The following SRPK2 variants were observed in gnomAD, a reference collection of about 807,000 sequenced individuals.
The protein encoded by SRPK2 is SFRS protein kinase 2.
In SRPK2, 21 loss-of-function variants were observed where a neutral mutation model predicts 90.8. The ratio of observed to expected loss-of-function variants is 0.23; its 90% CI spans 0.16 to 0.33. SRPK2 has a LOEUF of 0.33. Among genes scored for constraint, SRPK2 ranks in the 10% least tolerant of loss-of-function variants. The pLI is 1.00. For missense variants in SRPK2, 620 were observed against 869.0 expected (o/e 0.71, Z 3.60); for synonymous variants, 288 against 311.1 (o/e 0.93, Z 0.78).
chr7:105,274,222 A>C (rs976138795), intron 2 of SRPK2, among the ~76,000 whole-genome samples: 2 of 152,104 alleles, frequency 1.3e-5, no homozygotes, highest in African/African-American at 4.8e-5. Flanking sequence ...AAGGACCCTC[A>C]AGCCTCCAAA....
intron 2 of SRPK2, among the ~76,000 whole-genome samples, chr7:105,263,316 C>T (rs1804581413): frequency 6.6e-6 from 1 of 151,532 alleles, no homozygotes. Flanking sequence ...GAGCAAAACT[C>T]CATTTCAAAA....
upstream of SRPK2, among the ~76,000 whole-genome samples, chr7:105,391,747 C>T (rs147262665): frequency 5.0e-3 from 762 of 152,210 alleles, 5 homozygotes; most frequent in African/African-American, 0.015. Context: ...AACATTGAAA[C>T]CCTCCTACAT....
intron 2 of SRPK2, among the ~76,000 whole-genome samples, chr7:105,336,565 T>C (rs887801329): frequency 2.0e-5 from 3 of 152,208 alleles, no homozygotes; most frequent in African/African-American, 7.2e-5. Context: ...AAAGTTCTCA[T>C]TACATTTGTT....
At chr7:105,177,000 C>A (rs1182383884) in intron 3 of SRPK2, among the ~76,000 whole-genome samples, 1 of 152,084 alleles carries the variant, frequency 6.6e-6, no homozygotes, top group African/African-American at 2.4e-5. Context: ...TTCTAATGGA[C>A]TGTCATTTTC....
intron 1 of SRPK2, among the ~76,000 whole-genome samples, chr7:105,398,919 G>T (rs904399786): frequency 6.6e-6 from 1 of 152,188 alleles, no homozygotes; most frequent in African/African-American, 2.4e-5. Context: ...CAAATTTGTT[G>T]TGAGGATTTA....
intron 4 of SRPK2, among the ~76,000 whole-genome samples, chr7:105,168,356 T>G (rs1790356374): frequency 6.6e-6 from 1 of 152,186 alleles, no homozygotes; most frequent in Non-Finnish European, 1.5e-5. Context: ...GTGTATATGG[T>G]GTATATGAAA....
At chr7:105,274,659 A>C (rs1806257546) in intron 2 of SRPK2, among the ~76,000 whole-genome samples, 1 of 150,138 alleles carries the variant, frequency 6.7e-6, no homozygotes, top group Admixed American at 6.6e-5. Flanking sequence ...AAAAAAACTG[A>C]AACTCACCAA....
chr7:105,179,619 G>A (rs1165010183), intron 3 of SRPK2, among the ~76,000 whole-genome samples: 3 of 152,042 alleles, frequency 2.0e-5, no homozygotes, highest in Admixed American at 6.5e-5. Flanking sequence ...GAGGTCAGGA[G>A]TTTGAGACCA....
intron 2 of SRPK2, among the ~76,000 whole-genome samples, chr7:105,331,396 T>C (rs1309644371): frequency 6.8e-6 from 1 of 146,388 alleles, no homozygotes; most frequent in Non-Finnish European, 1.5e-5. Context: ...AACAAAAAAG[T>C]TCAGATATAT....
chr7:105,211,712 C>T (rs1271558380), intron 2 of SRPK2, among the ~76,000 whole-genome samples: 1 of 152,192 alleles, frequency 6.6e-6, no homozygotes, highest in Non-Finnish European at 1.5e-5. Flanking sequence ...GATTACAATT[C>T]AACATTAGAT....
chr7:105,216,424 C>A (rs1797474351), intron 2 of SRPK2, among the ~76,000 whole-genome samples: 1 of 151,830 alleles, frequency 6.6e-6, no homozygotes, highest in East Asian at 1.9e-4. Context: ...TTCTTATCAC[C>A]CCCCAAAAAC....
chr7:105,124,338 TAACAAAGAC>T (rs1334289051), intron 15 of SRPK2, among the ~76,000 whole-genome samples: 1 of 152,098 alleles, frequency 6.6e-6, no homozygotes, highest in Admixed American at 6.6e-5. Flanking sequence ...GACAGACGAT[TAACAAAGAC>T]AAATAAATGC....
At chr7:105,161,751 T>C (rs1807697460) in intron 6 of SRPK2, among the ~76,000 whole-genome samples, 1 of 152,236 alleles carries the variant, frequency 6.6e-6, no homozygotes, top group South Asian at 2.1e-4. Context: ...AATAAAAATT[T>C]AGTAAACACA....
chr7:105,163,189 A>G (rs1203567091), intron 6 of SRPK2, among the ~76,000 whole-genome samples: 5 of 152,236 alleles, frequency 3.3e-5, no homozygotes, highest in Non-Finnish European at 7.3e-5. Context: ...GCACCAAAAT[A>G]AACTCATACT....
intron 2 of SRPK2, chr7:105,244,677 TG>T: frequency 2.7e-6 from 3 of 1,105,846 alleles, no homozygotes; most frequent in African/African-American, 1.5e-5. Context: ...CCTATGGCCG[TG>T]GGCCTCAACA....
At chr7:105,122,368 A>C (rs532809548) in intron 15 of SRPK2, among the ~76,000 whole-genome samples, 13 of 152,320 alleles carry the variant, frequency 8.5e-5, no homozygotes, top group African/African-American at 2.9e-4. Flanking sequence ...CTGCCCACAC[A>C]AACTTGTACA....
At chr7:105,284,085 A>G (rs1363400207) in intron 2 of SRPK2, among the ~76,000 whole-genome samples, 1 of 151,814 alleles carries the variant, frequency 6.6e-6, no homozygotes, top group Non-Finnish European at 1.5e-5. Flanking sequence ...TTTGTTTTTT[A>G]AAGAAAAACT....
At position 105,331,330 on chromosome 7, in the gene SRPK2, A is replaced by AAAAC. The variant is rs1563248674; in HGVS notation, c.71+57317_71+57318insGTTT. Among the ~76,000 whole-genome samples, 18 of 144,900 alleles carry AAAAC rather than the reference A, an allele frequency of 1.2e-4. 1 individual carries two copies. The highest frequency in any genetic ancestry group is 2.6e-4 in the Non-Finnish European group (17 of 66,356). On this transcript the variant is annotated intron_variant, in intron 2 of 15. Coordinates refer to ENST00000393651, the MANE Select transcript of SRPK2 (RefSeq NM_182692.3). ...TCTCAAAAAAAAAAAAAAAAAAAAA[A>AAAAC]AAAAAAACAAATAGTTATTACACAA... is the stretch of plus-strand genomic sequence containing the variant.
intron 2 of SRPK2, among the ~76,000 whole-genome samples, chr7:105,370,069 A>G (rs969293850): frequency 6.6e-6 from 1 of 152,056 alleles, no homozygotes; most frequent in Admixed American, 6.6e-5. Context: ...CAAAGTAGCT[A>G]GCTGGCATCA....
Sources: allele counts gnomAD v4.1 joint callset (sites outside exome capture counted in the v4.1 genomes callset), GRCh38; gene constraint gnomAD v4.1.1; transcripts MANE v1.5; gene names NCBI Gene and HGNC (gene_info 2026-07-23, HGNC 2026-07-21).